SYTL3: variants seen among roughly 807,000 people sequenced by gnomAD.
SYTL3 encodes the protein synaptotagmin-like protein 3.
In SYTL3, 88 loss-of-function variants were observed where a neutral mutation model predicts 82.1. The ratio of observed to expected loss-of-function variants is 1.07; its 90% CI spans 0.90 to 1.28. SYTL3 has a LOEUF of 1.28. SYTL3 is among the 50% of genes most tolerant of loss of function. The pLI, the probability that SYTL3 is intolerant of heterozygous loss-of-function variation, is 0.00. For synonymous variants in SYTL3, 311 were observed against 289.4 expected, an observed-to-expected ratio of 1.07 and a Z score of -0.76; for missense variants, 831 against 757.6, an observed-to-expected ratio of 1.10 and a Z score of -1.14.
Position 158,705,215 on chromosome 6 carries a change from T to C in SYTL3, c.395-2015T>C, listed in dbSNP as rs12526359. 0.028 allele frequency among the ~76,000 whole-genome samples: 244 copies of C among 8,764 alleles called. 11 individuals carry two copies. In the East Asian group the frequency reaches 0.37, roughly 13 times the overall value. 5.7% of individuals were successfully genotyped at this position (8,764 alleles called of 152,430 possible). On this transcript the variant is annotated intron_variant, in intron 6 of 17. Transcript: ENST00000611299. ...AAGGCCACATAGGGCAGGAGGGACCTGGGGACAGGGTGACAGTGAGGGCTG... is the reference window on the plus strand; with the variant it reads ...AAGGCCACATAGGGCAGGAGGGACCCGGGGACAGGGTGACAGTGAGGGCTG...
chr6:158,682,710 CAT>C (rs1377763251), intron 5 of SYTL3, among the ~76,000 whole-genome samples: 2 of 152,166 alleles, frequency 1.3e-5, no homozygotes, highest in African/African-American at 4.8e-5. Flanking sequence ...AGATAAAACA[CAT>C]AGCGGTGGGA....
At position 158,749,507 on chromosome 6, in the gene SYTL3, CT is replaced by C. The variant is rs765386344; in HGVS notation, c.1035-2396del. On this transcript the variant is annotated intron_variant, in intron 12 of 17. Coordinates refer to ENST00000611299, the MANE Select transcript of SYTL3 (RefSeq NM_001242394.2). ...AATGAACACCTTCTTTTCTTTCTCT[CT>C]TTTTTTTTTTTTTTTTTTTTTTTTA... Among the ~76,000 whole-genome samples, 127 of 66,026 alleles carry C rather than the reference CT, an allele frequency of 1.9e-3. 1 individual carries two copies. The highest frequency in any genetic ancestry group is 0.011 in the Middle Eastern group (1 of 90). The allele number at this position is 66,026 out of a possible 152,430, so 43.3% of individuals were successfully genotyped here.
chr6:158,718,505 C>T (rs996137684), intron 10 of SYTL3, among the ~76,000 whole-genome samples: 3 of 152,208 alleles, frequency 2.0e-5, no homozygotes, highest in African/African-American at 2.4e-5. Context: ...TTCAAGCCTG[C>T]GCCAAAGCCC....
chr6:158,731,684 C>T (rs1196624085), intron 11 of SYTL3, among the ~76,000 whole-genome samples: 2 of 152,186 alleles, frequency 1.3e-5, no homozygotes, highest in African/African-American at 2.4e-5. Context: ...AGTTCTGCCT[C>T]CCGGGTTCAC....
intron 5 of SYTL3, among the ~76,000 whole-genome samples, chr6:158,667,779 T>TTGC (rs1451060010): frequency 6.6e-6 from 1 of 152,142 alleles, no homozygotes; most frequent in African/African-American, 2.4e-5. Context: ...AACTCGCAGG[T>TTGC]TGCTGCAGAA....
intron 9 of SYTL3, among the ~76,000 whole-genome samples, chr6:158,717,045 G>A (rs905987488): frequency 6.6e-5 from 10 of 152,216 alleles, no homozygotes; most frequent in African/African-American, 2.4e-4. Flanking sequence ...ACTTTGGGAG[G>A]CCAAGGTGGG....
intron 4 of SYTL3, among the ~76,000 whole-genome samples, chr6:158,664,061 G>A (rs1423687040): frequency 2.6e-5 from 4 of 152,150 alleles, no homozygotes; most frequent in African/African-American, 9.7e-5. Context: ...CTTTAAACAG[G>A]TTGGCGCTTG....
chr6:158,742,550 A>G (rs1419744906), intron 11 of SYTL3, among the ~76,000 whole-genome samples: 4 of 151,174 alleles, frequency 2.6e-5, no homozygotes, highest in Non-Finnish European at 5.9e-5. Flanking sequence ...CTCTAGTAAG[A>G]TGAAACTGCT....
intron 10 of SYTL3, 26 bp downstream of exon 10, chr6:158,718,237 AC>A: frequency 2.0e-6 from 3 of 1,482,184 alleles, no homozygotes; most frequent in Non-Finnish European, 2.7e-6. Flanking sequence ...CAAGGCCTCC[AC>A]GCTGATCACC....
rs774251823 is a variant in SYTL3, at chr6:158,763,471, T to TG, written c.1686dup (p.Asn563GlufsTer51). The stretch of plus-strand genomic sequence containing the variant: ...GTCTGGGATCAGGCCCTCTTTGGAA[T>TG]GAACGACCGCTTGCTTGGAGGAACC... On this transcript the variant is annotated frameshift_variant, in exon 17 of 18. Coordinates refer to ENST00000611299, the MANE Select transcript of SYTL3 (RefSeq NM_001242394.2). LOFTEE classifies it low-confidence loss of function (END_TRUNC). 123 of 1,614,092 alleles carry TG rather than the reference T, an allele frequency of 7.6e-5. No homozygotes were observed. Among genetic ancestry groups the TG allele is most frequent in the Non-Finnish European group, 9.2e-5 (108 of 1,180,048 alleles).
chr6:158,725,326 C>CGTGTGT (rs138428767), intron 10 of SYTL3, among the ~76,000 whole-genome samples, 177 bp from the exon 11 acceptor site: 170 of 150,654 alleles, frequency 1.1e-3, no homozygotes, highest in African/African-American at 3.8e-3. Flanking sequence ...TGTGTGTGTG[C>CGTGTGT]GTGTGTGTGT....
intron 6 of SYTL3, among the ~76,000 whole-genome samples, chr6:158,690,147 G>A (rs1245054380): frequency 1.3e-5 from 2 of 152,208 alleles, no homozygotes; most frequent in African/African-American, 2.4e-5. Context: ...GAGGACACAC[G>A]GTGCCCTCTC....
intron 5 of SYTL3, among the ~76,000 whole-genome samples, chr6:158,678,777 C>G (rs1048617471): frequency 2.6e-5 from 4 of 152,126 alleles, no homozygotes; most frequent in Admixed American, 2.0e-4. Context: ...TTCGGCCCTC[C>G]CCACCACCCT....
At chr6:158,664,331 G>C (rs1054108593) in intron 4 of SYTL3, among the ~76,000 whole-genome samples, 2 of 152,144 alleles carry the variant, frequency 1.3e-5, no homozygotes, top group African/African-American at 2.4e-5. Flanking sequence ...GATCACCTGA[G>C]GTCAGGAGTT....
chr6:158,727,766 C>T (rs1367246445), intron 11 of SYTL3, among the ~76,000 whole-genome samples: 1 of 145,970 alleles, frequency 6.9e-6, no homozygotes, highest in Non-Finnish European at 1.5e-5. Flanking sequence ...TCACTGTGAC[C>T]TCCGCCTCCC....
At chr6:158,699,961 T>C (rs1338554430) in intron 6 of SYTL3, among the ~76,000 whole-genome samples, 1 of 148,430 alleles carries the variant, frequency 6.7e-6, no homozygotes, top group Non-Finnish European at 1.5e-5. Flanking sequence ...AAAAGAATAA[T>C]AAAAAATAAA....
At chr6:158,675,530 A>T (rs935510757) in intron 5 of SYTL3, among the ~76,000 whole-genome samples, 4 of 152,080 alleles carry the variant, frequency 2.6e-5, no homozygotes, top group African/African-American at 9.7e-5. Context: ...TAGTTGAAGT[A>T]GGGCCGGTCA....
chr6:158,663,456 T>C, intron 4 of SYTL3, 78 bp downstream of exon 4: 1 of 1,563,450 alleles, frequency 6.4e-7, no homozygotes. Context: ...TCGCCAATGC[T>C]GTTTGCTTAC....
rs111497701 is a variant in SYTL3, at chr6:158,673,077, C to T, written c.329+7464C>T. On this transcript the variant is annotated intron_variant, in intron 5 of 17. Transcript: ENST00000611299. ...TCCCAAATAGCTGGGACTCCAAGTA[C>T]GCACCACCACATCTGGCTGATATAG... 9.4e-3 allele frequency among the ~76,000 whole-genome samples: 1,429 copies of T among 152,112 alleles called. 29 individuals are homozygous for T. The highest frequency in any genetic ancestry group is 0.032 in the African/African-American group (1,330 of 41,486).
Sources: gnomAD v4.1 joint callset for allele counts (sites outside exome capture counted in the v4.1 genomes callset) on GRCh38, gnomAD v4.1.1 for gene constraint, MANE v1.5 for transcripts, NCBI Gene and HGNC (gene_info 2026-07-23, HGNC 2026-07-21) for gene names.